DMAC2L: variants seen among roughly 807,000 people sequenced by gnomAD.
DMAC2L encodes ATP synthase subunit s, mitochondrial.
Under a neutral mutation model 22.5 loss-of-function variants are expected in DMAC2L, and 21 were observed. The ratio of observed to expected loss-of-function variants is 0.93; its 90% CI spans 0.66 to 1.34. DMAC2L has a LOEUF of 1.34. Among genes scored for constraint, DMAC2L ranks in the 40% most tolerant of loss-of-function variants. DMAC2L has a pLI of 0.00. For synonymous variants in DMAC2L, 86 were observed against 89.5 expected, an observed-to-expected ratio of 0.96 and a Z score of 0.22; for missense variants, 239 against 246.5, an observed-to-expected ratio of 0.97 and a Z score of 0.20.
Position 50,326,425 on chromosome 14 carries a change from A to G in DMAC2L, c.*702A>G. ...TGAAGCATACTACCATAAATGCACA[A>G]TTATGAAAAATTAGAAGCTAAATTA... On this transcript the variant is annotated 3_prime_UTR_variant, in exon 6 of 6. Transcript: ENST00000557421. The G allele has an allele frequency of 2.0e-6, 2 of 978,844 alleles. No homozygotes were observed. The highest frequency in any genetic ancestry group is 2.4e-6 in the Non-Finnish European group (2 of 823,986). 60.6% of individuals were successfully genotyped at this position (978,844 alleles called of 1,614,324 possible). A position where few individuals can be genotyped will look rare whatever the true frequency, so the allele number is the denominator to read the frequency against.
upstream of DMAC2L, among the ~76,000 whole-genome samples, chr14:50,311,600 A>G (rs2031191969): frequency 6.6e-6 from 1 of 152,204 alleles, no homozygotes; most frequent in Non-Finnish European, 1.5e-5. Flanking sequence ...AGATCTTCCA[A>G]GCAACGCCAA....
At chr14:50,320,759 C>T (rs1417740571) in intron 2 of DMAC2L, among the ~76,000 whole-genome samples, 2 of 152,212 alleles carry the variant, frequency 1.3e-5, no homozygotes, top group African/African-American at 2.4e-5. Flanking sequence ...CCATCTCCTC[C>T]TCCCTGCCAC....
At position 50,325,754 on chromosome 14, in the gene DMAC2L, C is replaced by A. The variant is rs752003281; in HGVS notation, c.*31C>A. The A allele has an allele frequency of 6.3e-7, 1 of 1,586,894 alleles. No individual in the cohort carries two copies. The highest frequency in any genetic ancestry group is 1.1e-5 in the South Asian group (1 of 87,378). On this transcript the variant is annotated 3_prime_UTR_variant, in exon 6 of 6. Transcript: ENST00000557421. ...TGTGTCTTATTTCAGTATAAAGGAT[C>A]ATTTGAAACTGTTGATTCCAAACAT...
At chr14:50,322,893 A>ACACCTTCCT (rs2032399710) in intron 4 of DMAC2L, 174 bp downstream of exon 4, 1 of 1,456,690 alleles carries the variant, frequency 6.9e-7, no homozygotes, top group Non-Finnish European at 9.1e-7. Flanking sequence ...GAGGTTACAG[A>ACACCTTCCT]CACCTTCCTC....
intron 1 of DMAC2L, among the ~76,000 whole-genome samples, chr14:50,314,238 A>G (rs2031561556): frequency 6.6e-6 from 1 of 152,218 alleles, no homozygotes; most frequent in Non-Finnish European, 1.5e-5. Context: ...TGTTCTCCAG[A>G]TAGTGAATGA....
Position 50,326,455 on chromosome 14 carries a change from T to C in DMAC2L, c.*732T>C. Reference sequence around the variant, plus strand: ...GAAAAATTAGAAGCTAAATTACAGATTCATTGATGGAGTCAATTATGCAAA... The same window carrying C: ...GAAAAATTAGAAGCTAAATTACAGACTCATTGATGGAGTCAATTATGCAAA... On this transcript the variant is annotated 3_prime_UTR_variant, in exon 6 of 6. Coordinates refer to ENST00000557421, the MANE Select transcript of DMAC2L (RefSeq NM_001382507.1). 1.0e-6 allele frequency: 1 copy of C among 985,178 alleles called. No individual in the cohort carries two copies. The highest frequency in any genetic ancestry group is 1.2e-6 in the Non-Finnish European group (1 of 829,750). The allele number at this position is 985,178 out of a possible 1,614,324, so 61.0% of individuals were successfully genotyped here. A position where few individuals can be genotyped will look rare whatever the true frequency, so the allele number is the denominator to read the frequency against.
chr14:50,312,097 A>G (rs1192395276), upstream of DMAC2L: 3 of 1,608,024 alleles, frequency 1.9e-6, no homozygotes, highest in South Asian at 2.2e-5. Context: ...CACCGGCGAA[A>G]AGCCCGCGGG....
chr14:50,325,388 T>C (rs534402735), intron 5 of DMAC2L, among the ~76,000 whole-genome samples: 23 of 152,272 alleles, frequency 1.5e-4, no homozygotes, highest in Admixed American at 1.3e-4. Context: ...AAATATATAT[T>C]TTATTTAGAA....
At chr14:50,312,783 G>A (rs2031365969) in intron 1 of DMAC2L, 4 of 524,202 alleles carry the variant, frequency 7.6e-6, no homozygotes, top group South Asian at 5.0e-5. Flanking sequence ...CCTAATCCTC[G>A]CTCCTCACGG....
chr14:50,319,051 G>C, intron 2 of DMAC2L: 1 of 985,426 alleles, frequency 1.0e-6, no homozygotes, highest in Non-Finnish European at 1.2e-6. Flanking sequence ...ATTTGAGTAA[G>C]GTCTTGAGGT....
chr14:50,311,873 C>A, upstream of DMAC2L: 1 of 1,171,548 alleles, frequency 8.5e-7, no homozygotes, highest in East Asian at 2.6e-5. Context: ...CTCCTGGGAT[C>A]CGAGGTTGGA....
intron 1 of DMAC2L, among the ~76,000 whole-genome samples, chr14:50,313,431 C>CA (rs1566550890): frequency 2.6e-5 from 4 of 152,152 alleles, no homozygotes; most frequent in African/African-American, 9.7e-5. Flanking sequence ...AGGTGTTTAG[C>CA]ACAGTGAAGC....
At chr14:50,325,370 A>G (rs911566944) in intron 5 of DMAC2L, among the ~76,000 whole-genome samples, 1 of 152,238 alleles carries the variant, frequency 6.6e-6, no homozygotes, top group Non-Finnish European at 1.5e-5. Flanking sequence ...GAATATCTAC[A>G]TCATTATAAA....
intron 4 of DMAC2L, chr14:50,323,081 C>T (rs1334641379): frequency 1.3e-5 from 12 of 908,878 alleles, no homozygotes; most frequent in Admixed American, 7.6e-5. Flanking sequence ...ATTTTTTTTT[C>T]TTTCTTTCTT....
chr14:50,319,558 CA>C (rs994396271), intron 2 of DMAC2L, among the ~76,000 whole-genome samples: 7 of 152,272 alleles, frequency 4.6e-5, no homozygotes, highest in African/African-American at 1.7e-4. Context: ...ATTAATACCC[CA>C]CCTTGTTTCA....
At position 50,322,564 on chromosome 14, in the gene DMAC2L, G is replaced by T. The variant is rs763374837; in HGVS notation, c.161G>T (p.Trp54Leu). ...DVGPDRAASE[W>L]LLRCGAMVRY... ...GGCCCTGACAGGGCGGCATCCGAGT[G>T]GTTGCTGCGCTGTGGGGCCATGGTG... Residue 54 changes from tryptophan to leucine, a missense_variant, in exon 4 of 6, where the codon TGG becomes TTG. By Grantham distance (61) the Trp-to-Leu change is moderately conservative (BLOSUM62 -2). Coordinates refer to ENST00000557421, the MANE Select transcript of DMAC2L (RefSeq NM_001382507.1). 1 of 1,613,968 alleles carries T rather than the reference G, an allele frequency of 6.2e-7. No individual in the cohort carries two copies. The highest frequency in any genetic ancestry group is 8.5e-7 in the Non-Finnish European group (1 of 1,179,846).
In DMAC2L at chr14:50,321,515, C is replaced by G; in HGVS notation, c.28C>G (p.Gln10Glu). The stretch of plus-strand genomic sequence containing the variant: ...GATGCCGTTTGGAAAAATTTCCCAG[C>G]AGTTGTGTGGCGTAAAGAAACTCCC... MMPFGKISQ[Q>E]LCGVKKLPWS... The change falls in exon 3 of 6, where the codon CAG becomes GAG. Residue 10 changes from glutamine to glutamate, a missense_variant. By Grantham distance (29) the Gln-to-Glu change is conservative (BLOSUM62 2). Transcript: ENST00000557421. 1 of 1,613,972 alleles carries G rather than the reference C, an allele frequency of 6.2e-7. No homozygotes were observed. Among genetic ancestry groups the G allele is most frequent in the Non-Finnish European group, 8.5e-7 (1 of 1,179,930 alleles).
rs185659761 is a variant in DMAC2L at position 50,322,591 on chromosome 14, G to A, written c.188G>A (p.Arg63His). 97 of 1,614,092 alleles carry A rather than the reference G, an allele frequency of 6.0e-5. No individual in the cohort carries two copies. In the African/African-American group the frequency reaches 7.5e-4, roughly 12 times the overall value. Reference sequence around the variant, plus strand: ...TTGCTGCGCTGTGGGGCCATGGTGCGCTACCATGGCCAGGAGAGGTGGCAG... The same window carrying A: ...TTGCTGCGCTGTGGGGCCATGGTGCACTACCATGGCCAGGAGAGGTGGCAG... The part of the protein sequence containing the change: ...EWLLRCGAMV[R>H]YHGQERWQKD... The change falls in exon 4 of 6, where the codon CGC (arginine) becomes CAC (histidine). Residue 63 changes from arginine (R) to histidine (H), a missense_variant. By Grantham distance (29) the Arg-to-His change is conservative (BLOSUM62 0). Transcript: ENST00000557421.
intron 4 of DMAC2L, 109 bp downstream of exon 4, chr14:50,322,828 C>T: frequency 6.5e-7 from 1 of 1,540,162 alleles, no homozygotes; most frequent in Non-Finnish European, 8.8e-7. Context: ...TTGCCCATTT[C>T]ATTATAGTCA....
Sources: gnomAD v4.1 joint callset for allele counts (sites outside exome capture counted in the v4.1 genomes callset) on GRCh38, gnomAD v4.1.1 for gene constraint, MANE v1.5 for transcripts, NCBI Gene and HGNC (gene_info 2026-07-23, HGNC 2026-07-21) for gene names.